Variants in HS3ST4 observed in about 807,000 individuals in gnomAD.
HS3ST4 encodes heparan sulfate-glucosamine 3-sulfotransferase 4.
Under a neutral mutation model 29.2 loss-of-function variants are expected in HS3ST4, and 17 were observed. The ratio of observed to expected loss-of-function variants is 0.58; its 90% CI spans 0.40 to 0.87. The LOEUF (loss-of-function observed/expected upper bound fraction) is 0.87. Among genes scored for constraint, HS3ST4 ranks in the 40% least tolerant of loss-of-function variants. HS3ST4 has a pLI of 0.00. For synonymous variants in HS3ST4, 314 were observed against 285.7 expected, an observed-to-expected ratio of 1.10 and a Z score of -1.00; for missense variants, 627 against 634.5, an observed-to-expected ratio of 0.99 and a Z score of 0.13.
chr16:25,748,472 G>A (rs1244942697), intron 1 of HS3ST4, among the ~76,000 whole-genome samples: 2 of 152,154 alleles, frequency 1.3e-5, no homozygotes, highest in African/African-American at 4.8e-5. Context: ...GCAGCTCAGA[G>A]AGCATCACAT....
intron 1 of HS3ST4, chr16:25,933,433 T>TC: frequency 2.0e-6 from 1 of 510,742 alleles, no homozygotes; most frequent in Non-Finnish European, 3.9e-6. Context: ...AAGTGAAGTT[T>TC]AGCACTGCTG....
At chr16:26,096,990 C>T (rs987536589) in intron 1 of HS3ST4, among the ~76,000 whole-genome samples, 3 of 152,112 alleles carry the variant, frequency 2.0e-5, no homozygotes, top group African/African-American at 7.2e-5. Context: ...ACAATTGCTA[C>T]AAAGAGAATA....
chr16:25,829,610 C>T (rs1967273293), intron 1 of HS3ST4, among the ~76,000 whole-genome samples: 1 of 151,976 alleles, frequency 6.6e-6, no homozygotes, highest in Non-Finnish European at 1.5e-5. Context: ...TGTGATGTTC[C>T]CTTCCCTGTG....
chr16:26,130,476 C>T (rs554056875), intron 1 of HS3ST4, among the ~76,000 whole-genome samples: 1 of 152,110 alleles, frequency 6.6e-6, no homozygotes, highest in Non-Finnish European at 1.5e-5. Flanking sequence ...GCAGCTAGTA[C>T]ATGTCAGACA....
At chr16:25,788,114 T>G (rs1330513846) in intron 1 of HS3ST4, among the ~76,000 whole-genome samples, 3 of 152,064 alleles carry the variant, frequency 2.0e-5, no homozygotes, top group Non-Finnish European at 4.4e-5. Flanking sequence ...TATATTCAGG[T>G]TCTCACAAAA....
intron 1 of HS3ST4, among the ~76,000 whole-genome samples, chr16:25,736,232 A>T (rs1422408139): frequency 6.6e-6 from 1 of 152,234 alleles, no homozygotes; most frequent in Non-Finnish European, 1.5e-5. Flanking sequence ...ACGTTGGAAG[A>T]ACATGTTTTT....
At position 26,016,116 on chromosome 16, in the gene HS3ST4, A is replaced by G. The variant is rs143767481; in HGVS notation, c.735-119496A>G. Among the ~76,000 whole-genome samples, 11 of 152,370 alleles carry G rather than the reference A, an allele frequency of 7.2e-5. No homozygotes were observed. The East Asian group carries it at 1.7e-3, about 24-fold the overall frequency. ...AGTAAATCCAGAAATCAGCATAGAC[A>G]TGTATGGCTTGCATAGATCAGAATG... On this transcript the variant is annotated intron_variant, in intron 1 of 1. Transcript: ENST00000331351.
At chr16:25,848,623 G>C (rs1967489281) in intron 1 of HS3ST4, among the ~76,000 whole-genome samples, 1 of 151,862 alleles carries the variant, frequency 6.6e-6, no homozygotes, top group Non-Finnish European at 1.5e-5. Context: ...TCATCATTCT[G>C]AAGATTGTTA....
intron 1 of HS3ST4, among the ~76,000 whole-genome samples, chr16:26,066,733 G>T (rs1186590389): frequency 1.3e-5 from 2 of 152,192 alleles, no homozygotes; most frequent in Non-Finnish European, 2.9e-5. Context: ...AATTTCTCCT[G>T]CCTAATTGTC....
chr16:25,709,972 G>A (rs781196986), intron 1 of HS3ST4, among the ~76,000 whole-genome samples: 9 of 152,050 alleles, frequency 5.9e-5, no homozygotes, highest in Non-Finnish European at 1.0e-4. Flanking sequence ...GCCCGGATTC[G>A]CTTCAAGTGG....
intron 1 of HS3ST4, among the ~76,000 whole-genome samples, chr16:26,103,904 GC>G (rs1365327074): frequency 6.6e-6 from 1 of 152,050 alleles, no homozygotes; most frequent in Non-Finnish European, 1.5e-5. Flanking sequence ...TATAGAGAAA[GC>G]CCATCTTTCA....
intron 1 of HS3ST4, among the ~76,000 whole-genome samples, chr16:25,722,919 G>GT (rs1392513948): frequency 4.2e-4 from 64 of 152,314 alleles, no homozygotes; most frequent in Middle Eastern, 6.8e-3. Context: ...AGAAAAAGAG[G>GT]TTTAATGGAC....
chr16:26,018,246 G>A (rs1969378927), intron 1 of HS3ST4, among the ~76,000 whole-genome samples: 3 of 152,158 alleles, frequency 2.0e-5, no homozygotes, highest in Admixed American at 2.0e-4. Context: ...CTAAATGAAT[G>A]GAAGTGAATG....
At chr16:25,884,019 G>A (rs1240589446) in intron 1 of HS3ST4, among the ~76,000 whole-genome samples, 1 of 151,986 alleles carries the variant, frequency 6.6e-6, no homozygotes, top group Non-Finnish European at 1.5e-5. Context: ...AGGCTGAGGC[G>A]GGAGAATTGC....
At chr16:25,827,534 A>AC (rs1491098585) in intron 1 of HS3ST4, among the ~76,000 whole-genome samples, 9 of 6,266 alleles carry the variant, frequency 1.4e-3, no homozygotes, top group South Asian at 0.056. Context: ...CTGTCTTCAC[A>AC]AAAAAAAAAA....
At chr16:25,757,932 A>G (rs564264141) in intron 1 of HS3ST4, among the ~76,000 whole-genome samples, 1 of 152,202 alleles carries the variant, frequency 6.6e-6, no homozygotes, top group South Asian at 2.1e-4. Context: ...GGGCCTTTGA[A>G]TGGAAGGTAA....
At position 25,693,088 on chromosome 16, in the gene HS3ST4, G is replaced by T; in HGVS notation, c.671G>T (p.Arg224Leu). Residue 224 changes from arginine to leucine, a missense_variant, in exon 1 of 2, where the codon CGG (arginine) becomes CTG (leucine). Physicochemically the swap from Arg to Leu is moderately radical, Grantham distance 102. Around this residue, in one of 2 missense-constraint regions of HS3ST4, gnomAD observed 402 missense variants for 340.8 expected, o/e 1.18. Transcript: ENST00000331351. ...LEAIRVHPDV[R>L]AVGVEPHFFD... is the part of the protein sequence containing the mutation. The stretch of plus-strand genomic sequence containing the variant: ...GCGATCCGCGTGCACCCGGACGTGC[G>T]GGCGGTGGGCGTAGAGCCGCACTTC... 6.2e-7 allele frequency: 1 copy of T among 1,608,802 alleles called. No individual in the cohort carries two copies. Among genetic ancestry groups the T allele is most frequent in the Non-Finnish European group, 8.5e-7 (1 of 1,177,942 alleles).
At chr16:25,789,769 T>C (rs1308120074) in intron 1 of HS3ST4, among the ~76,000 whole-genome samples, 3 of 152,148 alleles carry the variant, frequency 2.0e-5, no homozygotes, top group African/African-American at 7.2e-5. Flanking sequence ...ACTAGGACTA[T>C]TATTGCTTCT....
intron 1 of HS3ST4, among the ~76,000 whole-genome samples, chr16:25,786,974 T>A (rs961471892): frequency 6.6e-6 from 1 of 152,226 alleles, no homozygotes; most frequent in Non-Finnish European, 1.5e-5. Context: ...AAGAAGTAGC[T>A]GCCAAATTAT....
Sources: gnomAD v4.1 joint callset for allele counts (sites outside exome capture counted in the v4.1 genomes callset) on GRCh38, gnomAD v4.1.1 for gene constraint, gnomAD v4.1.1 regional missense constraint, MANE v1.5 for transcripts, NCBI Gene and HGNC (gene_info 2026-07-23, HGNC 2026-07-21) for gene names.